The following CAMKMT variants were observed in gnomAD, a reference collection of about 807,000 sequenced individuals.
The protein encoded by CAMKMT is calmodulin-lysine N-methyltransferase, also known as CaM KMT.
CAMKMT carries 53 observed loss-of-function variants against 48.0 expected under a neutral mutation model. The ratio of observed to expected loss-of-function variants is 1.10; its 90% CI spans 0.89 to 1.39. The LOEUF (loss-of-function observed/expected upper bound fraction) is 1.39, where lower values mean the gene tolerates loss of function less well. Among genes scored for constraint, CAMKMT ranks in the 40% most tolerant of loss-of-function variants. CAMKMT has a pLI of 0.00. For missense variants in CAMKMT, 428 were observed against 402.7 expected (o/e 1.06, Z -0.54); for synonymous variants, 165 against 152.3 (o/e 1.08, Z -0.61).
intron 3 of CAMKMT, among the ~76,000 whole-genome samples, chr2:44,410,509 G>A (rs774349505): frequency 4.0e-5 from 6 of 151,506 alleles, no homozygotes; most frequent in Non-Finnish European, 5.9e-5. Context: ...TGATTTATCA[G>A]CATACTTTCA....
intron 3 of CAMKMT, among the ~76,000 whole-genome samples, chr2:44,677,371 G>T (rs2104159758): frequency 6.6e-6 from 1 of 152,266 alleles, no homozygotes; most frequent in Middle Eastern, 3.4e-3. Context: ...TTCAGCAGAA[G>T]GGATATCTGG....
In CAMKMT at chr2:44,695,535, AC is replaced by A. The variant is rs144240229; in HGVS notation, c.377-8747del. Reference sequence around the variant, plus strand: ...ATGTCTTGGATTCCAGAACTGTCCTACAAAACTATATTCAAAAGACCATGCA... The same window carrying A: ...ATGTCTTGGATTCCAGAACTGTCCTAAAAACTATATTCAAAAGACCATGCA... On this transcript the variant is annotated intron_variant, in intron 3 of 10. Transcript: ENST00000378494. Among the ~76,000 whole-genome samples, 1,515 of 152,306 alleles carry A rather than the reference AC, an allele frequency of 9.9e-3. 23 individuals carry two copies. The highest frequency in any genetic ancestry group is 0.035 in the African/African-American group (1,442 of 41,562).
rs112610949 is a variant in CAMKMT at position 44,512,505 on chromosome 2, C to A, written c.376+122200C>A. Among the ~76,000 whole-genome samples, 526 of 152,332 alleles carry A rather than the reference C, an allele frequency of 3.5e-3. 4 individuals are homozygous for A. Among genetic ancestry groups the A allele is most frequent in the African/African-American group, 0.012 (502 of 41,582 alleles). On this transcript the variant is annotated intron_variant, in intron 3 of 10. Transcript: ENST00000378494. ...TCATTTTGACAGTATACCTCTTCTT[C>A]TGACCTACAGGTACCTAAATTTAAA...
chr2:44,754,001 C>A, intron 8 of CAMKMT, 54 bp from the exon 9 acceptor site: 3 of 1,255,210 alleles, frequency 2.4e-6, no homozygotes, highest in South Asian at 1.2e-5. Context: ...CCATTAGTAT[C>A]ATTAGACTTG....
intron 3 of CAMKMT, among the ~76,000 whole-genome samples, chr2:44,403,903 C>T (rs1229948646): frequency 1.3e-5 from 2 of 152,136 alleles, no homozygotes; most frequent in Non-Finnish European, 2.9e-5. Context: ...ATTCTTTCTT[C>T]CCTAATTTCT....
At chr2:44,567,287 T>C (rs151102466) in intron 3 of CAMKMT, among the ~76,000 whole-genome samples, 1 of 152,166 alleles carries the variant, frequency 6.6e-6, no homozygotes, top group Non-Finnish European at 1.5e-5. Context: ...ATGTGACATA[T>C]GCAACCCGAC....
At chr2:44,521,404 G>A (rs554312584) in intron 3 of CAMKMT, among the ~76,000 whole-genome samples, 46 of 151,974 alleles carry the variant, frequency 3.0e-4, no homozygotes, top group African/African-American at 1.0e-3. Context: ...TCAGCTTCCC[G>A]AGTAGCTGGG....
Position 44,618,044 on chromosome 2 carries a change from T to C in CAMKMT, c.377-86239T>C, listed in dbSNP as rs1572929434. Among the ~76,000 whole-genome samples, 1 of 152,346 alleles carries C rather than the reference T, an allele frequency of 6.6e-6. No individual in the cohort carries two copies. The highest frequency in any genetic ancestry group is 1.9e-4 in the East Asian group (1 of 5,186). ...TCTTTTCATCTCCTTCCTGTTTCTT[T>C]GTATACACTTCTAGTAGTTAAACTG... On this transcript the variant is annotated intron_variant, in intron 3 of 10. Transcript: ENST00000378494. The surrounding 1 kb of genome is among the most constrained non-coding windows in gnomAD (Gnocchi z 4.0).
chr2:44,704,553 T>A (rs185909785), intron 4 of CAMKMT, among the ~76,000 whole-genome samples: 30 of 152,248 alleles, frequency 2.0e-4, no homozygotes, highest in Admixed American at 1.8e-3. Flanking sequence ...CCTTGGGTAC[T>A]AATATTGCAC....
At chr2:44,416,502 C>T (rs373632387) in intron 3 of CAMKMT, among the ~76,000 whole-genome samples, 4 of 151,046 alleles carry the variant, frequency 2.6e-5, no homozygotes, top group South Asian at 2.1e-4. Flanking sequence ...AAACTCTTCT[C>T]GTGTTTCATA....
chr2:44,435,509 TGA>T (rs1482230474), intron 3 of CAMKMT, among the ~76,000 whole-genome samples: 2 of 152,218 alleles, frequency 1.3e-5, no homozygotes, highest in African/African-American at 2.4e-5. Context: ...AGTTGGATGA[TGA>T]TTCAGTGCCT....
intron 3 of CAMKMT, among the ~76,000 whole-genome samples, chr2:44,544,129 A>G (rs1459939895): frequency 6.6e-6 from 1 of 152,020 alleles, no homozygotes; most frequent in Non-Finnish European, 1.5e-5. Flanking sequence ...GGAGTATGAG[A>G]AAAACATTTA....
chr2:44,403,528 C>G (rs1434878652), intron 3 of CAMKMT, among the ~76,000 whole-genome samples: 1 of 152,186 alleles, frequency 6.6e-6, no homozygotes, highest in African/African-American at 2.4e-5. Context: ...ACATGTAACT[C>G]CGGTTGCTTC....
chr2:44,362,149 A>T lies in CAMKMT; in HGVS notation c.138+4A>T. 1.4e-6 allele frequency: 2 copies of T among 1,467,596 alleles called. No homozygotes were observed. The highest frequency in any genetic ancestry group is 1.8e-6 in the Non-Finnish European group (2 of 1,121,910). The allele number at this position is 1,467,596 out of a possible 1,614,324, so 90.9% of individuals were successfully genotyped here. ...CCGGTGGAAGCTCCTGCGGCAGGTA[A>T]GGGAGAACCTGCTCGCCTCACCTTT... On this transcript the variant is annotated splice_donor_region_variant and intron_variant, in intron 1 of 10. Transcript: ENST00000378494.
At chr2:44,711,829 T>C (rs2104293193) in intron 6 of CAMKMT, among the ~76,000 whole-genome samples, 1 of 152,248 alleles carries the variant, frequency 6.6e-6, no homozygotes, top group East Asian at 1.9e-4. Context: ...TTACTTCTGT[T>C]TTAGAGATGG....
chr2:44,762,516 G>T (rs1029196612), intron 9 of CAMKMT, among the ~76,000 whole-genome samples: 2 of 152,154 alleles, frequency 1.3e-5, no homozygotes, highest in Non-Finnish European at 2.9e-5. Flanking sequence ...AAGCTGGGGG[G>T]AGTGGGGAGG....
At chr2:44,431,112 C>T (rs1009346023) in intron 3 of CAMKMT, among the ~76,000 whole-genome samples, 1 of 152,096 alleles carries the variant, frequency 6.6e-6, no homozygotes, top group African/African-American at 2.4e-5. Flanking sequence ...TAAATTAGGT[C>T]AGCACAATTA....
At position 44,576,886 on chromosome 2, in the gene CAMKMT, C is replaced by T. The variant is rs560213158; in HGVS notation, c.377-127397C>T. Among the ~76,000 whole-genome samples the T allele has an allele frequency of 1.3e-3, 193 of 152,292 alleles. 2 individuals are homozygous for T. The South Asian group carries it at 0.038, about 30-fold the overall frequency. On this transcript the variant is annotated intron_variant, in intron 3 of 10. Transcript: ENST00000378494. ...TAATCATAACAAAACAAAAATACTG[C>T]AAGGAATGTTCATTCATTCCATTTT...
chr2:44,506,985 G>A (rs548794999), intron 3 of CAMKMT, among the ~76,000 whole-genome samples: 1 of 151,930 alleles, frequency 6.6e-6, no homozygotes, highest in African/African-American at 2.4e-5. Flanking sequence ...AAGCTCACAA[G>A]GCATTTAGAA....
Sources: gnomAD v4.1 joint callset for allele counts (sites outside exome capture counted in the v4.1 genomes callset) on GRCh38, gnomAD v4.1.1 for gene constraint, Gnocchi (gnomAD v3.1) non-coding constraint, MANE v1.5 for transcripts, NCBI Gene and HGNC (gene_info 2026-07-23, HGNC 2026-07-21) for gene names.